WDPCP: variants seen among roughly 807,000 people sequenced by gnomAD.
The protein encoded by WDPCP is WD repeat-containing and planar cell polarity effector protein fritz homolog.
WDPCP carries 71 observed loss-of-function variants against 93.1 expected under a neutral mutation model. The ratio of observed to expected loss-of-function variants is 0.76; its 90% CI spans 0.63 to 0.93. The LOEUF is 0.93. Among genes scored for constraint, WDPCP ranks in the 40% least tolerant of loss-of-function variants. The pLI, the probability that WDPCP is intolerant of heterozygous loss-of-function variation, is 0.00. For synonymous variants in WDPCP, 315 were observed against 315.0 expected (o/e 1.00, Z 0.00); for missense variants, 844 against 887.4 (o/e 0.95, Z 0.62).
chr2:63,206,274 C>T (rs1281164172), intron 14 of WDPCP, among the ~76,000 whole-genome samples: 1 of 152,008 alleles, frequency 6.6e-6, no homozygotes, highest in African/African-American at 2.4e-5. Context: ...AGATATTCAC[C>T]AGTTGCTTTC....
At chr2:63,131,045 T>C (rs1231761537) in intron 17 of WDPCP, among the ~76,000 whole-genome samples, 1 of 152,208 alleles carries the variant, frequency 6.6e-6, no homozygotes, top group Non-Finnish European at 1.5e-5. Flanking sequence ...ACATGAAATA[T>C]TTTTTCCATC....
chr2:63,547,909 C>T (rs894556163), intron 1 of WDPCP, among the ~76,000 whole-genome samples: 1 of 152,034 alleles, frequency 6.6e-6, no homozygotes, highest in Non-Finnish European at 1.5e-5. Context: ...ATCTATTACA[C>T]ATTTCAAAAT....
At chr2:63,469,176 T>G (rs1018933232) in intron 6 of WDPCP, among the ~76,000 whole-genome samples, 2 of 152,174 alleles carry the variant, frequency 1.3e-5, no homozygotes, top group Admixed American at 6.6e-5. Flanking sequence ...AGAATGGCTA[T>G]TACTAAAAAG....
chr2:63,676,213 G>T (rs1710401951), intron 2 of WDPCP, among the ~76,000 whole-genome samples: 1 of 152,214 alleles, frequency 6.6e-6, no homozygotes, highest in Non-Finnish European at 1.5e-5. Context: ...AAAAGAAGAA[G>T]AAAGTTTACA....
chr2:63,592,139 A>T (rs1391364077), upstream of WDPCP, among the ~76,000 whole-genome samples: 2 of 152,216 alleles, frequency 1.3e-5, no homozygotes, highest in African/African-American at 4.8e-5. Context: ...CTGGCCTAAA[A>T]TAGTACCAAG....
chr2:63,130,323 G>A (rs555736325), intron 17 of WDPCP, among the ~76,000 whole-genome samples: 16 of 152,148 alleles, frequency 1.1e-4, no homozygotes, highest in Non-Finnish European at 1.8e-4. Context: ...TCATACTTTT[G>A]CATATGGACA....
intron 12 of WDPCP, among the ~76,000 whole-genome samples, chr2:63,349,775 A>G (rs925379851): frequency 6.6e-6 from 1 of 152,198 alleles, no homozygotes; most frequent in Non-Finnish European, 1.5e-5. Flanking sequence ...AGGCTTATAA[A>G]AACTAATTTA....
intron 14 of WDPCP, among the ~76,000 whole-genome samples, chr2:63,220,763 G>C (rs1044471722): frequency 2.6e-5 from 4 of 152,008 alleles, no homozygotes; most frequent in African/African-American, 7.3e-5. Context: ...TTGTTACATA[G>C]GTAAACATGT....
upstream of WDPCP, chr2:63,589,430 T>G (rs1473813632): frequency 1.3e-6 from 2 of 1,521,352 alleles, no homozygotes; most frequent in Admixed American, 2.0e-5. Context: ...CTTTTTCTCC[T>G]CATTTGCCCA....
At chr2:63,296,970 C>G (rs1273979330) in intron 13 of WDPCP, among the ~76,000 whole-genome samples, 1 of 152,112 alleles carries the variant, frequency 6.6e-6, no homozygotes, top group Non-Finnish European at 1.5e-5. Flanking sequence ...CAAAAAAGAG[C>G]CCAAATAGCC....
chr2:63,192,154 T>TATC (rs1308227743), intron 14 of WDPCP, among the ~76,000 whole-genome samples: 1 of 152,192 alleles, frequency 6.6e-6, no homozygotes, highest in Non-Finnish European at 1.5e-5. Context: ...AGAATTACCT[T>TATC]ATCAAATTCC....
At chr2:63,506,360 A>C (rs989822046) in intron 1 of WDPCP, among the ~76,000 whole-genome samples, 1 of 151,970 alleles carries the variant, frequency 6.6e-6, no homozygotes, top group African/African-American at 2.4e-5. Flanking sequence ...TACACAGAGG[A>C]CCATCCAAGA....
chr2:63,362,277 TTGTGTGTG>T (rs140044354), intron 12 of WDPCP, among the ~76,000 whole-genome samples: 1 of 94,132 alleles, frequency 1.1e-5, no homozygotes. Flanking sequence ...TTTTTTTTGG[TTGTGTGTG>T]TGTGTGTGTG....
At chr2:63,220,697 T>G (rs1005506775) in intron 14 of WDPCP, among the ~76,000 whole-genome samples, 1 of 152,168 alleles carries the variant, frequency 6.6e-6, no homozygotes, top group Non-Finnish European at 1.5e-5. Flanking sequence ...TATGCATATT[T>G]TTCTTTTTTT....
At chr2:63,422,274 C>T (rs572400035) in intron 9 of WDPCP, among the ~76,000 whole-genome samples, 1 of 152,268 alleles carries the variant, frequency 6.6e-6, no homozygotes, top group South Asian at 2.1e-4. Flanking sequence ...ACAAAAAGAA[C>T]AGCCAACCTG....
At chr2:63,305,757 G>A (rs747676155) in intron 13 of WDPCP, among the ~76,000 whole-genome samples, 23 of 151,966 alleles carry the variant, frequency 1.5e-4, no homozygotes, top group Non-Finnish European at 1.8e-4. Context: ...AAACTCCACC[G>A]AGCTCAAGGA....
At chr2:63,296,941 C>T (rs1684913719) in intron 13 of WDPCP, among the ~76,000 whole-genome samples, 3 of 152,094 alleles carry the variant, frequency 2.0e-5, no homozygotes, top group African/African-American at 4.8e-5. Flanking sequence ...AAAAAACAAT[C>T]CTAAAGTTCT....
At chr2:63,836,531 C>T in the WDPCP span, among the ~76,000 whole-genome samples, 1 of 152,260 alleles carries the variant, frequency 6.6e-6, no homozygotes, top group African/African-American at 2.4e-5. Flanking sequence ...AAGATGGTTT[C>T]TTATTAGTTT....
At chr2:63,800,805 C>CG (rs1173258162) in intron 2 of WDPCP, among the ~76,000 whole-genome samples, 3 of 152,174 alleles carry the variant, frequency 2.0e-5, no homozygotes, top group Non-Finnish European at 2.9e-5. Flanking sequence ...GTAATCCAAG[C>CG]ACTTTGGGAG....
Sources: allele counts gnomAD v4.1 joint callset (sites outside exome capture counted in the v4.1 genomes callset), GRCh38; gene constraint gnomAD v4.1.1; transcripts MANE v1.5; gene names NCBI Gene and HGNC (gene_info 2026-07-23, HGNC 2026-07-21).